Variants in EDARADD observed in about 807,000 individuals in gnomAD.
EDARADD encodes ectodysplasin-A receptor-associated adapter protein.
Under a neutral mutation model 25.6 loss-of-function variants are expected in EDARADD, and 20 were observed. That is an observed-to-expected ratio of 0.78 (90% CI 0.55 to 1.14). The LOEUF is 1.14. Ranked by LOEUF, EDARADD falls within the 50% of genes most tolerant of loss-of-function variation. The probability of loss-of-function intolerance (pLI) is 0.00; values close to 1 mark genes in which losing one functional copy is unlikely to be tolerated. For synonymous variants in EDARADD, 86 were observed against 94.4 expected (o/e 0.91, Z 0.52); for missense variants, 225 against 270.1 (o/e 0.83, Z 1.17).
chr1:236,432,344 G>A (rs982396352), intron 4 of EDARADD, among the ~76,000 whole-genome samples: 5 of 151,018 alleles, frequency 3.3e-5, no homozygotes, highest in Middle Eastern at 3.4e-3. Flanking sequence ...AATGGAAATC[G>A]TGCCACTGCA....
chr1:236,432,941 GA>G (rs1380604235), intron 4 of EDARADD, among the ~76,000 whole-genome samples: 1 of 143,320 alleles, frequency 7.0e-6, no homozygotes, highest in African/African-American at 2.9e-5. Context: ...AAAAAAAAAA[GA>G]AAGAAAGAAA....
upstream of EDARADD, among the ~76,000 whole-genome samples, chr1:236,391,211 A>C (rs375452982): frequency 4.8e-4 from 73 of 152,236 alleles, no homozygotes; most frequent in Non-Finnish European, 7.1e-4. Context: ...AAAGGCTGTA[A>C]TTGAGTCATA....
chr1:236,401,481 A>G (rs552649558), intron 1 of EDARADD, among the ~76,000 whole-genome samples: 66 of 152,202 alleles, frequency 4.3e-4, no homozygotes, highest in African/African-American at 1.2e-3. Flanking sequence ...CCGCCCCACC[A>G]GTGTCTGTTT....
chr1:236,395,772 G>A lies in EDARADD; in HGVS notation c.61+1267G>A. On this transcript the variant is annotated intron_variant, in intron 1 of 5. Coordinates refer to ENST00000334232, the MANE Select transcript of EDARADD (RefSeq NM_145861.4). This position sits in a 1 kb window ranked among gnomAD's most constrained non-coding sequence, Gnocchi z 6.9. ...TCGAGGCCGGGCCTCGGCGACCCCC[G>A]AGGGAGGCCCGGGAACCACCCCCGA... 1 of 1,234,682 alleles carries A rather than the reference G, an allele frequency of 8.1e-7. No homozygotes were observed. Among genetic ancestry groups the A allele is most frequent in the Non-Finnish European group, 1.1e-6 (1 of 920,760 alleles). The allele number at this position is 1,234,682 out of a possible 1,614,324, so 76.5% of individuals were successfully genotyped here. A position where few individuals can be genotyped will look rare whatever the true frequency, so the allele number is the denominator to read the frequency against.
chr1:236,447,168 C>CTTT lies in EDARADD; in HGVS notation c.219+19718_219+19719insTTT, dbSNP rs1558127337. 3.4e-3 allele frequency among the ~76,000 whole-genome samples: 380 copies of CTTT among 112,658 alleles called. 4 individuals are homozygous for CTTT. Among genetic ancestry groups the CTTT allele is most frequent in the African/African-American group, 8.3e-3 (229 of 27,568 alleles). The allele number at this position is 112,658 out of a possible 152,430, so 73.9% of individuals were successfully genotyped here. On this transcript the variant is annotated intron_variant, in intron 4 of 5. Coordinates refer to ENST00000334232, the MANE Select transcript of EDARADD (RefSeq NM_145861.4). Reference sequence around the variant, plus strand: ...TTCCTTCCTTCCTCCCTCCCTCCCTCCCTCTTTCTTTCTTTCTTTCTTTCT... The same window carrying CTTT: ...TTCCTTCCTTCCTCCCTCCCTCCCTCTTTCCTCTTTCTTTCTTTCTTTCTTTCT...
chr1:236,417,432 A>C (rs1657667753), intron 3 of EDARADD, among the ~76,000 whole-genome samples: 2 of 152,228 alleles, frequency 1.3e-5, no homozygotes, highest in African/African-American at 4.8e-5. Context: ...GGTTTTAATA[A>C]TCAGCTGTGG....
intron 4 of EDARADD, among the ~76,000 whole-genome samples, chr1:236,435,376 G>A (rs976762708): frequency 3.3e-5 from 5 of 152,212 alleles, no homozygotes; most frequent in African/African-American, 1.2e-4. Flanking sequence ...ATTAGGCTAT[G>A]CCCCTTGAGG....
intron 4 of EDARADD, among the ~76,000 whole-genome samples, chr1:236,444,674 T>A (rs1658484309): frequency 6.6e-6 from 1 of 152,206 alleles, no homozygotes; most frequent in South Asian, 2.1e-4. Context: ...TCCGCCCAAC[T>A]CGGTCTCCCA....
chr1:236,413,399 G>A (rs756266937), intron 2 of EDARADD, among the ~76,000 whole-genome samples: 2 of 152,254 alleles, frequency 1.3e-5, no homozygotes, highest in Non-Finnish European at 1.5e-5. Context: ...CAAAACCCTC[G>A]ATTCTCCATT....
chr1:236,427,923 G>T (rs59924270), intron 4 of EDARADD, among the ~76,000 whole-genome samples: 7,007 of 151,322 alleles, frequency 0.046, 410 homozygotes, highest in African/African-American at 0.14. Context: ...GATTATAAAA[G>T]AATTCATATT....
intron 4 of EDARADD, among the ~76,000 whole-genome samples, chr1:236,467,418 A>ACG (rs1659227980): frequency 1.1e-5 from 1 of 91,744 alleles, no homozygotes; most frequent in African/African-American, 5.3e-5. Flanking sequence ...TGGGAAGCAC[A>ACG]CACACGCGCA....
intron 4 of EDARADD, among the ~76,000 whole-genome samples, chr1:236,459,073 CA>C (rs1658963561): frequency 6.6e-6 from 1 of 152,170 alleles, no homozygotes; most frequent in African/African-American, 2.4e-5. Context: ...AGCTAGCACA[CA>C]ATTGTGCACC....
chr1:236,402,117 G>A (rs891408863), intron 1 of EDARADD, among the ~76,000 whole-genome samples: 1 of 152,074 alleles, frequency 6.6e-6, no homozygotes, highest in Non-Finnish European at 1.5e-5. Flanking sequence ...ATCCATCACC[G>A]TGCCCAGTTA....
rs555637992 is a variant in EDARADD at position 236,372,975 on chromosome 1, G to A, written c.-6+22136G>A. Among the ~76,000 whole-genome samples, 7 of 143,148 alleles carry A rather than the reference G, an allele frequency of 4.9e-5. No homozygotes were observed. In the South Asian group the frequency reaches 1.6e-3, roughly 33 times the overall value. 93.9% of individuals were successfully genotyped at this position (143,148 alleles called of 152,430 possible). On this transcript the variant is annotated intron_variant, in intron 3 of 7. Coordinates refer to the EDARADD transcript ENST00000439430. ...CTGTTACCCAGGCTGGAGTGCAGTG[G>A]TGCGATCTCGGCTCACTGCAAGCTC...
At chr1:236,443,208 C>T (rs1658448705) in intron 4 of EDARADD, among the ~76,000 whole-genome samples, 1 of 152,160 alleles carries the variant, frequency 6.6e-6, no homozygotes, top group Admixed American at 6.6e-5. Flanking sequence ...AATTCCTTTT[C>T]TTTATAAGTT....
intron 5 of EDARADD, among the ~76,000 whole-genome samples, chr1:236,477,081 C>T (rs1426314139): frequency 6.7e-6 from 1 of 149,702 alleles, no homozygotes; most frequent in Non-Finnish European, 1.5e-5. Flanking sequence ...AAAAATTAAT[C>T]ACCTGCGTTC....
At chr1:236,363,403 G>A (rs969831686) in intron 3 of EDARADD, among the ~76,000 whole-genome samples, 1 of 151,342 alleles carries the variant, frequency 6.6e-6, no homozygotes, top group African/African-American at 2.4e-5. Context: ...AGATCTGGTT[G>A]TTGAAAAGTG....
chr1:236,438,947 C>G (rs983689807), intron 4 of EDARADD, among the ~76,000 whole-genome samples: 92 of 152,314 alleles, frequency 6.0e-4, no homozygotes, highest in Non-Finnish European at 1.2e-3. Flanking sequence ...ATCCACCATT[C>G]TAGTATCTTA....
intron 3 of EDARADD, among the ~76,000 whole-genome samples, chr1:236,418,961 A>G (rs888830491): frequency 2.0e-5 from 3 of 152,178 alleles, no homozygotes; most frequent in African/African-American, 7.2e-5. Flanking sequence ...ACAGTAAACT[A>G]AAAACCAACC....
Sources: allele counts gnomAD v4.1 joint callset (sites outside exome capture counted in the v4.1 genomes callset), GRCh38; gene constraint gnomAD v4.1.1; non-coding constraint Gnocchi (gnomAD v3.1); transcripts MANE v1.5; gene names NCBI Gene and HGNC (gene_info 2026-07-23, HGNC 2026-07-21).